The following RBM47 variants were observed in gnomAD, a reference collection of about 807,000 sequenced individuals.
RBM47 encodes the protein RNA binding motif protein 47.
RBM47 carries 21 observed loss-of-function variants against 47.1 expected under a neutral mutation model. That is an observed-to-expected ratio of 0.45 (90% CI 0.32 to 0.64). RBM47 has a LOEUF of 0.64. Ranked by LOEUF, RBM47 falls within the 30% of genes least tolerant of loss-of-function variation. The pLI, the probability that RBM47 is intolerant of heterozygous loss-of-function variation, is 0.05. For synonymous variants in RBM47, 375 were observed against 361.7 expected (o/e 1.04, Z -0.42); for missense variants, 708 against 870.9 (o/e 0.81, Z 2.35).
At chr4:40,478,055 A>G (rs1364638042) in intron 2 of RBM47, among the ~76,000 whole-genome samples, 1 of 89,002 alleles carries the variant, frequency 1.1e-5, no homozygotes, top group African/African-American at 4.8e-5. Context: ...TGCTCTTATT[A>G]CCCAGGCTGG....
intron 2 of RBM47, among the ~76,000 whole-genome samples, chr4:40,494,869 G>A (rs1307419252): frequency 6.6e-6 from 1 of 152,128 alleles, no homozygotes; most frequent in Admixed American, 6.5e-5. Flanking sequence ...GATGACCAAA[G>A]CATGTCATGC....
chr4:40,520,762 A>C (rs998877955), intron 2 of RBM47, among the ~76,000 whole-genome samples: 1 of 152,162 alleles, frequency 6.6e-6, no homozygotes, highest in South Asian at 2.1e-4. Context: ...GATGTGTAAG[A>C]AAGGGCCCAG....
chr4:40,460,040 G>T (rs1716874737), intron 3 of RBM47, among the ~76,000 whole-genome samples: 1 of 152,128 alleles, frequency 6.6e-6, no homozygotes, highest in Admixed American at 6.5e-5. Flanking sequence ...ACAGGCCTGA[G>T]CCACCACGCC....
intron 2 of RBM47, among the ~76,000 whole-genome samples, chr4:40,513,807 C>T (rs1477531500): frequency 2.6e-5 from 4 of 152,124 alleles, no homozygotes; most frequent in African/African-American, 9.6e-5. Flanking sequence ...CAACCTCTGC[C>T]TCCGGGGTTC....
At chr4:40,437,206 T>A (rs1176802515) in intron 4 of RBM47, among the ~76,000 whole-genome samples, 2 of 126,272 alleles carry the variant, frequency 1.6e-5, no homozygotes, top group East Asian at 2.2e-4. Context: ...TAATTTTTTT[T>A]AAAGTTAGCT....
At chr4:40,471,409 A>G (rs1343900218) in intron 2 of RBM47, among the ~76,000 whole-genome samples, 1 of 152,058 alleles carries the variant, frequency 6.6e-6, no homozygotes, top group Admixed American at 6.6e-5. Flanking sequence ...TAAAAAATAT[A>G]CAATTTGGTC....
At chr4:40,566,900 G>A (rs899261868) in intron 1 of RBM47, among the ~76,000 whole-genome samples, 34 of 151,894 alleles carry the variant, frequency 2.2e-4, no homozygotes, top group Non-Finnish European at 2.4e-4. Context: ...CTCCCACCTC[G>A]TCCTCCCAAA....
intron 1 of RBM47, among the ~76,000 whole-genome samples, chr4:40,559,077 TTTTATCCCTATTACAAGGTA>T (rs757648325): frequency 4.6e-5 from 7 of 152,324 alleles, no homozygotes; most frequent in African/African-American, 1.2e-4. Flanking sequence ...CCAGCCTTTA[TTTTATCCCTATTACAAGGTA>T]TTTATCCCTA....
intron 3 of RBM47, among the ~76,000 whole-genome samples, chr4:40,460,883 T>G (rs1052652104): frequency 1.1e-5 from 1 of 89,378 alleles, no homozygotes; most frequent in Non-Finnish European, 2.2e-5. Context: ...GTTAAGACTC[T>G]GTCTCAAAAA....
At chr4:40,496,172 A>G (rs1438879064) in intron 2 of RBM47, among the ~76,000 whole-genome samples, 8 of 152,332 alleles carry the variant, frequency 5.3e-5, no homozygotes, top group Non-Finnish European at 1.0e-4. Context: ...TGGAAAATCC[A>G]TAAGACTTTT....
intron 1 of RBM47, among the ~76,000 whole-genome samples, chr4:40,566,148 A>G (rs963958028): frequency 6.6e-6 from 1 of 152,210 alleles, no homozygotes; most frequent in African/African-American, 2.4e-5. Flanking sequence ...AGAAAAGAAC[A>G]AAGCAAAAGA....
chr4:40,623,596 G>C (rs1261777969), intron 1 of RBM47, among the ~76,000 whole-genome samples: 1 of 151,978 alleles, frequency 6.6e-6, no homozygotes, highest in South Asian at 2.1e-4. Context: ...CTAAAGCCTT[G>C]AGCGCCTGTC....
At chr4:40,538,989 A>G (rs968202472) in intron 2 of RBM47, among the ~76,000 whole-genome samples, 3 of 152,166 alleles carry the variant, frequency 2.0e-5, no homozygotes, top group African/African-American at 7.2e-5. Context: ...TGCTGGGGCC[A>G]GGATAGTGGT....
intron 2 of RBM47, among the ~76,000 whole-genome samples, chr4:40,521,138 A>G (rs1577873768): frequency 6.6e-6 from 1 of 151,956 alleles, no homozygotes; most frequent in East Asian, 1.9e-4. Flanking sequence ...ATTTGGTAAC[A>G]CAGTATTAAT....
intron 6 of RBM47, among the ~76,000 whole-genome samples, chr4:40,429,858 G>A (rs1249835915): frequency 1.3e-5 from 2 of 152,006 alleles, no homozygotes; most frequent in Admixed American, 1.3e-4. Flanking sequence ...GGTAGGGGAG[G>A]ATGATCGAAG....
intron 2 of RBM47, among the ~76,000 whole-genome samples, chr4:40,484,063 T>C (rs757678083): frequency 1.4e-4 from 21 of 152,188 alleles, no homozygotes; most frequent in Non-Finnish European, 2.8e-4. Context: ...TTATGAAGAA[T>C]TTAATGTCAT....
At chr4:40,454,583 C>T (rs576636433) in intron 3 of RBM47, among the ~76,000 whole-genome samples, 5 of 152,122 alleles carry the variant, frequency 3.3e-5, no homozygotes, top group East Asian at 1.9e-4. Context: ...CTGCAATCTC[C>T]GCCTCCTGGG....
intron 2 of RBM47, among the ~76,000 whole-genome samples, chr4:40,485,890 T>C (rs543518347): frequency 6.9e-6 from 1 of 145,878 alleles, no homozygotes; most frequent in Admixed American, 6.8e-5. Context: ...CAAAAGGCCA[T>C]CTGTGTAAAA....
intron 2 of RBM47, among the ~76,000 whole-genome samples, chr4:40,503,176 A>G (rs1723627143): frequency 6.7e-6 from 1 of 149,616 alleles, no homozygotes. Context: ...CCTAAAACTG[A>G]GAAGAAAGAA....
Sources: gnomAD v4.1 joint callset for allele counts (sites outside exome capture counted in the v4.1 genomes callset) on GRCh38, gnomAD v4.1.1 for gene constraint, MANE v1.5 for transcripts, NCBI Gene and HGNC (gene_info 2026-07-23, HGNC 2026-07-21) for gene names.